The following RUNX1T1 variants were observed in gnomAD, a reference collection of about 807,000 sequenced individuals.
RUNX1T1 encodes protein CBFA2T1.
RUNX1T1 carries 4 observed loss-of-function variants against 62.8 expected under a neutral mutation model. That is an observed-to-expected ratio of 0.06 (90% CI 0.03 to 0.15). The LOEUF (loss-of-function observed/expected upper bound fraction) is 0.15. Ranked by LOEUF, RUNX1T1 falls within the 10% of genes least tolerant of loss-of-function variation. The pLI is 1.00. For synonymous variants in RUNX1T1, 291 were observed against 286.0 expected (o/e 1.02, Z -0.18); for missense variants, 508 against 754.3 (o/e 0.67, Z 3.82).
chr8:91,980,739 G>C (rs1238394133), intron 8 of RUNX1T1, among the ~76,000 whole-genome samples: 1 of 152,090 alleles, frequency 6.6e-6, no homozygotes, highest in Admixed American at 6.6e-5. Flanking sequence ...TGGCATAAAC[G>C]TGGCTCACTG....
chr8:92,074,023 G>A (rs1834056624), intron 2 of RUNX1T1, among the ~76,000 whole-genome samples: 1 of 151,966 alleles, frequency 6.6e-6, no homozygotes, highest in African/African-American at 2.4e-5. Flanking sequence ...AATGCCACAT[G>A]GAAAACAAAG....
At chr8:92,065,817 C>T (rs1338326412), upstream of RUNX1T1, among the ~76,000 whole-genome samples, 1 of 152,146 alleles carries the variant, frequency 6.6e-6, no homozygotes, top group Non-Finnish European at 1.5e-5. Context: ...CTCAACTTTC[C>T]TCTCGGCTTC....
At chr8:92,066,281 A>G (rs1008751179), upstream of RUNX1T1, among the ~76,000 whole-genome samples, 1 of 152,210 alleles carries the variant, frequency 6.6e-6, no homozygotes, top group Non-Finnish European at 1.5e-5. Flanking sequence ...TTGAAAGGGC[A>G]GACTCACTCA....
At chr8:92,103,242 T>G, upstream of RUNX1T1, 1 of 252,890 alleles carries the variant, frequency 4.0e-6, no homozygotes. Context: ...GCGCAGGGAA[T>G]TGCCACTGTC....
upstream of RUNX1T1, among the ~76,000 whole-genome samples, chr8:92,102,252 G>T (rs1243505909): frequency 6.6e-6 from 1 of 152,138 alleles, no homozygotes; most frequent in Non-Finnish European, 1.5e-5. The surrounding 1 kb of genome is among the most constrained non-coding windows in gnomAD (Gnocchi z 4.5). Context: ...AAACGGCCAG[G>T]AGTAACAAGG....
intron 10 of RUNX1T1, among the ~76,000 whole-genome samples, chr8:91,965,348 T>C (rs1217204852): frequency 6.6e-6 from 1 of 152,212 alleles, no homozygotes; most frequent in African/African-American, 2.4e-5. Flanking sequence ...TTGTTGAAAT[T>C]TCCCCTACTA....
At chr8:92,098,502 T>G (rs1031636127) in intron 1 of RUNX1T1, among the ~76,000 whole-genome samples, 1 of 152,224 alleles carries the variant, frequency 6.6e-6, no homozygotes, top group African/African-American at 2.4e-5. Flanking sequence ...AATTGCACAC[T>G]GAACCTCACT....
downstream of RUNX1T1, chr8:91,956,984 AT>A (rs1809483845): frequency 2.5e-5 from 5 of 203,348 alleles, no homozygotes; most frequent in Non-Finnish European, 4.0e-5. Flanking sequence ...AAAAAAAAAA[AT>A]TTAAGAAAAA....
exon 8 of RUNX1T1, chr8:91,986,303 A>G: frequency 6.2e-7 from 1 of 1,613,582 alleles, no homozygotes; most frequent in South Asian, 1.1e-5. Flanking sequence ...TTTTTCTACC[A>G]TGTCCATTAT....
intron 2 of RUNX1T1, among the ~76,000 whole-genome samples, chr8:92,074,851 G>A (rs1834189229): frequency 6.6e-6 from 1 of 152,102 alleles, no homozygotes; most frequent in South Asian, 2.1e-4. Context: ...TATGAAGAAG[G>A]AGGAATGAAA....
chr8:91,972,371 T>C (rs2130646139), intron 9 of RUNX1T1, among the ~76,000 whole-genome samples: 1 of 152,246 alleles, frequency 6.6e-6, no homozygotes, highest in East Asian at 1.9e-4. Context: ...CTAGGTTTTA[T>C]AAACTAAAAT....
At position 92,071,033 on chromosome 8, in the gene RUNX1T1, TC is replaced by T. The variant is rs1281682896; in HGVS notation, c.88+4931del. Among the ~76,000 whole-genome samples the T allele has an allele frequency of 2.0e-5, 3 of 152,190 alleles. No homozygotes were observed. In the East Asian group the frequency reaches 5.8e-4, roughly 29 times the overall value. ...ATATTCATGGGATCTCCCAAATGGC[TC>T]CATCTCCAAGCACTTCTCAGAATAT... On this transcript the variant is annotated intron_variant, in intron 2 of 11. Coordinates refer to the RUNX1T1 transcript ENST00000265814.
intron 1 of RUNX1T1, among the ~76,000 whole-genome samples, chr8:92,078,244 G>A (rs1157184336): frequency 1.3e-5 from 2 of 149,586 alleles, no homozygotes; most frequent in African/African-American, 4.9e-5. Flanking sequence ...TCAAAACAAT[G>A]ACTGGAGTGT....
intron 1 of RUNX1T1, among the ~76,000 whole-genome samples, chr8:92,017,943 G>A (rs1447850497): frequency 6.6e-6 from 1 of 152,176 alleles, no homozygotes; most frequent in Non-Finnish European, 1.5e-5. Flanking sequence ...TAGGTGAAAT[G>A]TGTTATACAA....
chr8:91,972,276 T>C (rs1022888019), intron 9 of RUNX1T1, among the ~76,000 whole-genome samples: 1 of 152,178 alleles, frequency 6.6e-6, no homozygotes, highest in Non-Finnish European at 1.5e-5. Context: ...AGCTCTCCAC[T>C]AGTAATTAAC....
chr8:91,963,346 T>TA lies in RUNX1T1; in HGVS notation c.1459-2830dup, dbSNP rs918205151. ...AAAAGAGCAATTTTAATGATCTGGT[T>TA]AAAAAAAAATCTGCAAATTTTTATT... On this transcript the variant is annotated intron_variant, in intron 10 of 10. Transcript: ENST00000396218. 1.9e-4 allele frequency among the ~76,000 whole-genome samples: 29 copies of TA among 151,924 alleles called. 1 individual carries two copies. The highest frequency in any genetic ancestry group is 1.9e-3 in the South Asian group (9 of 4,806).
intron 1 of RUNX1T1, among the ~76,000 whole-genome samples, chr8:92,084,693 C>T (rs1447345445): frequency 1.2e-4 from 18 of 152,126 alleles, no homozygotes; most frequent in Admixed American, 1.2e-3. Flanking sequence ...GAGGAAGGGT[C>T]ATGAAAGTGT....
chr8:92,062,640 G>A (rs1440841285), exon 1 of RUNX1T1: 17 of 1,613,796 alleles, frequency 1.1e-5, no homozygotes, highest in Middle Eastern at 1.6e-4. Context: ...GGAATGAGTG[G>A]CAGCAGAGAG....
intron 1 of RUNX1T1, among the ~76,000 whole-genome samples, chr8:92,083,526 A>G (rs920506719): frequency 1.2e-4 from 18 of 152,264 alleles, no homozygotes; most frequent in Non-Finnish European, 1.9e-4. Context: ...CATTAAAGAA[A>G]TGCAAATCAA....
Sources: gnomAD v4.1 joint callset for allele counts (sites outside exome capture counted in the v4.1 genomes callset) on GRCh38, gnomAD v4.1.1 for gene constraint, Gnocchi (gnomAD v3.1) non-coding constraint, MANE v1.5 for transcripts, NCBI Gene and HGNC (gene_info 2026-07-23, HGNC 2026-07-21) for gene names.